The following CNTNAP5 variants were observed in gnomAD, a reference collection of about 807,000 sequenced individuals.
CNTNAP5 encodes the protein contactin associated protein family member 5.
CNTNAP5 carries 72 observed loss-of-function variants against 150.2 expected under a neutral mutation model. The observed-to-expected ratio is 0.48, with a 90% confidence interval of 0.40 to 0.58. CNTNAP5 has a LOEUF of 0.58. Ranked by LOEUF, CNTNAP5 falls within the 20% of genes least tolerant of loss-of-function variation. The pLI, the probability that CNTNAP5 is intolerant of heterozygous loss-of-function variation, is 0.00. For synonymous variants in CNTNAP5, 672 were observed against 619.8 expected, an observed-to-expected ratio of 1.08 and a Z score of -1.25; for missense variants, 1,636 against 1,626.2, an observed-to-expected ratio of 1.01 and a Z score of -0.10.
intron 3 of CNTNAP5, among the ~76,000 whole-genome samples, chr2:124,335,555 A>G (rs1349801051): frequency 6.6e-6 from 1 of 150,688 alleles, no homozygotes; most frequent in East Asian, 2.0e-4. Context: ...CAATTCTGGG[A>G]GGAAAAGGAT....
intron 16 of CNTNAP5, among the ~76,000 whole-genome samples, chr2:124,768,056 G>T (rs1051237118): frequency 6.6e-6 from 1 of 152,162 alleles, no homozygotes; most frequent in Non-Finnish European, 1.5e-5. Flanking sequence ...GAGTGGGCTA[G>T]CTTCCCCTGA....
At chr2:124,457,232 T>C (rs1429897806) in intron 6 of CNTNAP5, among the ~76,000 whole-genome samples, 1 of 152,030 alleles carries the variant, frequency 6.6e-6, no homozygotes, top group Non-Finnish European at 1.5e-5. Flanking sequence ...TTCTAGACAT[T>C]GGCTTAGGCA....
At chr2:124,706,536 C>G (rs1014840365) in intron 13 of CNTNAP5, among the ~76,000 whole-genome samples, 1 of 151,916 alleles carries the variant, frequency 6.6e-6, no homozygotes, top group Admixed American at 6.6e-5. Flanking sequence ...CACTTGAGGT[C>G]AGGAGTTCAA....
rs118000712 is a variant in CNTNAP5 at position 124,196,357 on chromosome 2, C to G, written c.83-25348C>G. 8.8e-3 allele frequency among the ~76,000 whole-genome samples: 1,339 copies of G among 152,206 alleles called. 13 individuals carry two copies. The highest frequency in any genetic ancestry group is 0.031 in the East Asian group (158 of 5,172). ...TGGCAGCATCCGTTATCTCATGTTACAGTAAGCATGATATTTACCTGGAAG... is the reference window on the plus strand; with the variant it reads ...TGGCAGCATCCGTTATCTCATGTTAGAGTAAGCATGATATTTACCTGGAAG... On this transcript the variant is annotated intron_variant, in intron 1 of 23. Coordinates refer to ENST00000682447, the MANE Select transcript of CNTNAP5 (RefSeq NM_001367498.1).
At chr2:124,465,813 T>C (rs1280332105) in intron 6 of CNTNAP5, among the ~76,000 whole-genome samples, 1 of 152,056 alleles carries the variant, frequency 6.6e-6, no homozygotes, top group Non-Finnish European at 1.5e-5. Context: ...TAAACACAAG[T>C]AAGTGAATTA....
At chr2:124,256,201 T>C (rs1687310588) in intron 3 of CNTNAP5, among the ~76,000 whole-genome samples, 1 of 152,190 alleles carries the variant, frequency 6.6e-6, no homozygotes, top group South Asian at 2.1e-4. Context: ...TTCGTTCGGA[T>C]AATATATTAT....
chr2:124,198,895 T>C (rs1341236013), intron 1 of CNTNAP5, among the ~76,000 whole-genome samples: 3 of 151,754 alleles, frequency 2.0e-5, no homozygotes, highest in African/African-American at 7.3e-5. Flanking sequence ...AACTGTAAAT[T>C]CTATTCCTTT....
At chr2:124,830,729 G>C (rs1484653528) in intron 19 of CNTNAP5, among the ~76,000 whole-genome samples, 1 of 151,966 alleles carries the variant, frequency 6.6e-6, no homozygotes, top group African/African-American at 2.4e-5. Context: ...GGACCTTCAA[G>C]ATAAACATTT....
At chr2:124,739,467 T>C (rs995697200) in intron 13 of CNTNAP5, among the ~76,000 whole-genome samples, 3 of 152,188 alleles carry the variant, frequency 2.0e-5, no homozygotes, top group Non-Finnish European at 4.4e-5. Context: ...ATCAGCATTT[T>C]GATGGTGTGT....
At chr2:124,358,977 T>G (rs1312186338) in intron 3 of CNTNAP5, among the ~76,000 whole-genome samples, 1 of 150,340 alleles carries the variant, frequency 6.7e-6, no homozygotes, top group Non-Finnish European at 1.5e-5. Context: ...TGCCACAATT[T>G]CAGCTCCTGT....
At chr2:124,274,082 ATAT>A (rs762073107) in intron 3 of CNTNAP5, among the ~76,000 whole-genome samples, 4 of 152,160 alleles carry the variant, frequency 2.6e-5, no homozygotes, top group Non-Finnish European at 4.4e-5. Context: ...TGTACCCCAG[ATAT>A]TATTATTTCA....
At chr2:124,197,018 A>T (rs888704222) in intron 1 of CNTNAP5, among the ~76,000 whole-genome samples, 1 of 152,212 alleles carries the variant, frequency 6.6e-6, no homozygotes, top group African/African-American at 2.4e-5. Context: ...TTCCTACATC[A>T]TACCTCAATC....
At chr2:124,829,854 T>C (rs1475428282) in intron 19 of CNTNAP5, among the ~76,000 whole-genome samples, 2 of 151,896 alleles carry the variant, frequency 1.3e-5, no homozygotes, top group Admixed American at 6.6e-5. Flanking sequence ...ATTTCTATTA[T>C]ATGCAGTATA....
chr2:124,920,432 T>C lies in CNTNAP5; in HGVS notation c.*6144T>C, dbSNP rs911221287. Among the ~76,000 whole-genome samples, 38 of 152,260 alleles carry C rather than the reference T, an allele frequency of 2.5e-4. No individual in the cohort carries two copies. Among genetic ancestry groups the C allele is most frequent in the African/African-American group, 8.9e-4 (37 of 41,568 alleles). ...CATTTTACATGAAATATTCACCTAG[T>C]CTATTCTCTTTGAAAGGTAGTATCA... is the stretch of plus-strand genomic sequence containing the variant. On this transcript the variant is annotated 3_prime_UTR_variant, in exon 24 of 24. Coordinates refer to ENST00000682447, the MANE Select transcript of CNTNAP5 (RefSeq NM_001367498.1).
intron 3 of CNTNAP5, among the ~76,000 whole-genome samples, chr2:124,292,980 T>A (rs1688338177): frequency 6.6e-6 from 1 of 152,064 alleles, no homozygotes; most frequent in Non-Finnish European, 1.5e-5. Flanking sequence ...AATGAGGTAG[T>A]AGAGACAGAG....
At chr2:124,813,181 A>G (rs1682276095) in intron 19 of CNTNAP5, among the ~76,000 whole-genome samples, 1 of 151,198 alleles carries the variant, frequency 6.6e-6, no homozygotes, top group Admixed American at 6.6e-5. Context: ...GGTTCACGCC[A>G]TTTTCCTGCC....
At chr2:124,485,333 G>A (rs1693845253) in intron 7 of CNTNAP5, among the ~76,000 whole-genome samples, 1 of 152,150 alleles carries the variant, frequency 6.6e-6, no homozygotes, top group East Asian at 1.9e-4. Flanking sequence ...GCAGTTACCG[G>A]CCGGGCACGG....
chr2:124,352,622 A>G (rs1689898028), intron 3 of CNTNAP5, among the ~76,000 whole-genome samples: 2 of 152,220 alleles, frequency 1.3e-5, no homozygotes, highest in African/African-American at 2.4e-5. Context: ...AACATCATCC[A>G]AAAGTACTGT....
intron 13 of CNTNAP5, among the ~76,000 whole-genome samples, chr2:124,706,786 AAGAAGAAGAAGGAGGAGG>A (rs1679653956): frequency 3.0e-5 from 1 of 33,162 alleles, no homozygotes; most frequent in African/African-American, 1.1e-4. Context: ...GAAGAAGAAG[AAGAAGAAGAAGGAGGAGG>A]AGGAGGAGGA....
Sources: allele counts gnomAD v4.1 joint callset (sites outside exome capture counted in the v4.1 genomes callset), GRCh38; gene constraint gnomAD v4.1.1; transcripts MANE v1.5; gene names NCBI Gene and HGNC (gene_info 2026-07-23, HGNC 2026-07-21).